Variants in ALK observed in about 807,000 individuals in gnomAD.
ALK encodes the protein ALK receptor tyrosine kinase.
In ALK, 74 loss-of-function variants were observed where a neutral mutation model predicts 163.1. The ratio of observed to expected loss-of-function variants is 0.45; its 90% confidence interval spans 0.38 to 0.55. ALK has a LOEUF of 0.55. ALK is among the 20% of genes least tolerant of loss of function. The pLI, the probability that ALK is intolerant of heterozygous loss-of-function variation, is 0.00. For synonymous variants in ALK, 960 were observed against 843.2 expected (o/e 1.14, Z -2.40); for missense variants, 2,063 against 2,105.3 (o/e 0.98, Z 0.39).
intron 4 of ALK, among the ~76,000 whole-genome samples, chr2:29,423,537 T>C (rs1200015810): frequency 6.6e-6 from 1 of 152,272 alleles, no homozygotes; most frequent in Non-Finnish European, 1.5e-5. Context: ...GAAGTACCTC[T>C]TCAATTTTCT....
rs951305989 is a variant in ALK at position 29,692,569 on chromosome 2, G to T, written c.952+2281C>A. Among the ~76,000 whole-genome samples the T allele has an allele frequency of 1.3e-5, 2 of 152,192 alleles. 1 individual carries two copies. The highest frequency in any genetic ancestry group is 2.9e-5 in the Non-Finnish European group (2 of 68,030). On this transcript the variant is annotated intron_variant, in intron 3 of 28. Transcript: ENST00000389048. Reference sequence around the variant, plus strand: ...GTGCACAGTGCACAATACGATTCACGTTTTTATAATCACAATAGGATTCAT... The same window carrying T: ...GTGCACAGTGCACAATACGATTCACTTTTTTATAATCACAATAGGATTCAT...
At chr2:29,330,900 T>G (rs1004929694) in intron 5 of ALK, among the ~76,000 whole-genome samples, 6 of 152,200 alleles carry the variant, frequency 3.9e-5, no homozygotes, top group African/African-American at 1.4e-4. Flanking sequence ...CTGCCTGACA[T>G]GACTTTAGTC....
At position 29,678,151 on chromosome 2, in the gene ALK, C is replaced by T. The variant is rs547930565; in HGVS notation, c.952+16699G>A. Among the ~76,000 whole-genome samples the T allele has an allele frequency of 5.9e-5, 9 of 151,918 alleles. 1 individual carries two copies. The South Asian group carries it at 1.7e-3, about 28-fold the overall frequency. On this transcript the variant is annotated intron_variant, in intron 3 of 28. Transcript: ENST00000389048. ...TTCTTTAGGGTCAAGAGTGATGGTC[C>T]CTCATTTATTCCTGAATTAGTAATT... is the stretch of plus-strand genomic sequence containing the variant.
At chr2:29,713,222 T>C (rs985934782) in intron 2 of ALK, among the ~76,000 whole-genome samples, 2 of 152,184 alleles carry the variant, frequency 1.3e-5, no homozygotes, top group African/African-American at 4.8e-5. Flanking sequence ...ACCAATCATA[T>C]TGGATTAAGG....
intron 3 of ALK, among the ~76,000 whole-genome samples, chr2:29,606,472 A>G (rs1675545376): frequency 1.3e-5 from 2 of 152,218 alleles, no homozygotes; most frequent in African/African-American, 4.8e-5. Context: ...GAGTGCTCCT[A>G]AGTGAAAGGT....
intron 16 of ALK, among the ~76,000 whole-genome samples, chr2:29,228,488 A>G (rs11693593): frequency 0.97 from 147,426 of 152,182 alleles, 71,552 homozygotes; most frequent in Middle Eastern, 1. Flanking sequence ...TGGTGGGCTG[A>G]GGTAGGGAGC....
At chr2:29,318,205 G>A (rs957419050) in intron 8 of ALK, 99 bp downstream of exon 8, 8 of 986,196 alleles carry the variant, frequency 8.1e-6, no homozygotes, top group South Asian at 1.3e-5. Context: ...CCAGGAGAAC[G>A]ACCAGCCCAG....
chr2:29,363,224 A>G (rs12714273), intron 5 of ALK, among the ~76,000 whole-genome samples: 48,863 of 152,046 alleles, frequency 0.32, 8,192 homozygotes, highest in Middle Eastern at 0.38. Context: ...AGCCTGGGGT[A>G]TGCACTAACA....
intron 1 of ALK, among the ~76,000 whole-genome samples, chr2:29,763,086 C>CAAA (rs1034835014): frequency 5.1e-4 from 27 of 53,060 alleles, no homozygotes; most frequent in Admixed American, 6.1e-4. Context: ...GACTCCATCT[C>CAAA]AAAAAAAAAA....
chr2:29,335,469 C>A (rs954597505), intron 5 of ALK, among the ~76,000 whole-genome samples: 2 of 152,128 alleles, frequency 1.3e-5, no homozygotes, highest in African/African-American at 4.8e-5. Context: ...CTACACAATG[C>A]ACAGAGAAAT....
chr2:29,281,054 G>A (rs1220834624), intron 9 of ALK, among the ~76,000 whole-genome samples: 1 of 151,850 alleles, frequency 6.6e-6, no homozygotes, highest in African/African-American at 2.4e-5. Flanking sequence ...GACCACTGTG[G>A]GACTGAGGAA....
chr2:29,313,262 C>T (rs1666741072), intron 8 of ALK, among the ~76,000 whole-genome samples: 1 of 152,178 alleles, frequency 6.6e-6, no homozygotes, highest in African/African-American at 2.4e-5. Context: ...TGCAATCAAG[C>T]CCATGAGGCC....
At position 29,223,692 on chromosome 2, in the gene ALK, T is replaced by C. The variant is rs1018385117; in HGVS notation, c.3173-164A>G. 1.7e-5 allele frequency: 11 copies of C among 643,256 alleles called. No homozygotes were observed. In the African/African-American group the frequency reaches 2.0e-4, roughly 12 times the overall value. The allele number at this position is 643,256 out of a possible 1,614,324, so 39.8% of individuals were successfully genotyped here. ...ACTAATAAAATGATTAAAGAAGGTG[T>C]GTCTTTAATTGAAGCATGATTTAAA... On this transcript the variant is annotated intron_variant, in intron 19 of 28. Transcript: ENST00000389048.
At chr2:29,406,279 GATC>G (rs1374076148) in intron 4 of ALK, among the ~76,000 whole-genome samples, 4 of 152,102 alleles carry the variant, frequency 2.6e-5, no homozygotes, top group Non-Finnish European at 4.4e-5. Flanking sequence ...AGCCTCCCTG[GATC>G]ATCTCTAGTC....
rs535786273 is a variant in ALK, at chr2:29,882,198, C to A, written c.667+37795G>T. ...AAAACAAATCTCGAGGGATTTGAAG[C>A]AGAACAACTTCTAGAACTCGACTGT... is the stretch of plus-strand genomic sequence containing the variant. On this transcript the variant is annotated intron_variant, in intron 1 of 28. Transcript: ENST00000389048. Among the ~76,000 whole-genome samples the A allele has an allele frequency of 4.6e-5, 7 of 152,234 alleles. No individual in the cohort carries two copies. In the South Asian group the frequency reaches 8.3e-4, roughly 18 times the overall value.
chr2:29,440,437 C>A (rs1169943912), intron 4 of ALK, among the ~76,000 whole-genome samples: 4 of 151,656 alleles, frequency 2.6e-5, no homozygotes, highest in Admixed American at 6.6e-5. Flanking sequence ...CTGCCTCAGC[C>A]TCCTGAGTAG....
At chr2:29,420,088 T>C (rs1226034637) in intron 4 of ALK, among the ~76,000 whole-genome samples, 1 of 145,612 alleles carries the variant, frequency 6.9e-6, no homozygotes, top group Non-Finnish European at 1.5e-5. Flanking sequence ...ATTTGGGAGG[T>C]TGAGGCTGCT....
intron 3 of ALK, among the ~76,000 whole-genome samples, chr2:29,580,481 G>A (rs1003037630): frequency 2.0e-5 from 3 of 152,186 alleles, no homozygotes; most frequent in African/African-American, 4.8e-5. Flanking sequence ...CCCAGCCACA[G>A]CACACGTCTC....
At chr2:29,545,082 T>A (rs1673519238) in intron 3 of ALK, among the ~76,000 whole-genome samples, 1 of 152,138 alleles carries the variant, frequency 6.6e-6, no homozygotes, top group South Asian at 2.1e-4. Context: ...CCTGCAGATG[T>A]TCCTTTCACT....
Sources: gnomAD v4.1 joint callset for allele counts (sites outside exome capture counted in the v4.1 genomes callset) on GRCh38, gnomAD v4.1.1 for gene constraint, MANE v1.5 for transcripts, NCBI Gene and HGNC (gene_info 2026-07-23, HGNC 2026-07-21) for gene names.